Variants in ANO1 observed in about 807,000 individuals in gnomAD.
The protein encoded by ANO1 is anoctamin 1, also known as anoctamin-1.
Under a neutral mutation model 124.0 loss-of-function variants are expected in ANO1, and 59 were observed. The observed-to-expected ratio is 0.48, with a 90% confidence interval of 0.39 to 0.59. The LOEUF (loss-of-function observed/expected upper bound fraction) is 0.59, where lower values mean the gene tolerates loss of function less well. Ranked by LOEUF, ANO1 falls within the 20% of genes least tolerant of loss-of-function variation. The probability of loss-of-function intolerance (pLI) is 0.00; values close to 1 mark genes in which losing one functional copy is unlikely to be tolerated. For synonymous variants in ANO1, 529 were observed against 532.0 expected (o/e 0.99, Z 0.08); for missense variants, 1,059 against 1,328.0 (o/e 0.80, Z 3.15).
chr11:70,167,734 A>G (rs1001122558), intron 21 of ANO1, among the ~76,000 whole-genome samples: 2 of 152,088 alleles, frequency 1.3e-5, no homozygotes, highest in East Asian at 3.9e-4. Flanking sequence ...CACGGTCTCC[A>G]TCAGCGCAGC....
intron 2 of ANO1, among the ~76,000 whole-genome samples, chr11:70,094,110 C>G (rs1027287517): frequency 1.3e-5 from 2 of 152,208 alleles, no homozygotes; most frequent in African/African-American, 2.4e-5. Flanking sequence ...TGTAAACGCC[C>G]CTTACCCACA....
chr11:70,009,310 G>A (rs529626522), intron 1 of ANO1, among the ~76,000 whole-genome samples: 2 of 152,254 alleles, frequency 1.3e-5, no homozygotes, highest in South Asian at 2.1e-4. Flanking sequence ...TCTCGGGGAG[G>A]GAGGATAGCA....
At chr11:69,997,910 C>T (rs1304798157) in intron 1 of ANO1, among the ~76,000 whole-genome samples, 2 of 152,196 alleles carry the variant, frequency 1.3e-5, no homozygotes, top group Non-Finnish European at 2.9e-5. Flanking sequence ...GTTTCCTGTA[C>T]AGCCTGCGGA....
At chr11:70,041,023 T>C (rs1381832230) in intron 1 of ANO1, among the ~76,000 whole-genome samples, 1 of 152,206 alleles carries the variant, frequency 6.6e-6, no homozygotes, top group Non-Finnish European at 1.5e-5. Flanking sequence ...GTTCAGGCAC[T>C]GATTAAGGTT....
At chr11:69,985,496 C>T (rs1291274468), upstream of ANO1, among the ~76,000 whole-genome samples, 1 of 152,152 alleles carries the variant, frequency 6.6e-6, no homozygotes, top group East Asian at 1.9e-4. Context: ...GGGGAGGGGG[C>T]CAGGGCGCTC....
In ANO1 at chr11:70,078,626, A is replaced by C. The variant is rs2044102085; in HGVS notation, c.20A>C (p.Tyr7Ser). 6.7e-7 allele frequency: 1 copy of C among 1,497,908 alleles called. No individual in the cohort carries two copies. Among genetic ancestry groups the C allele is most frequent in the Non-Finnish European group, 9.0e-7 (1 of 1,114,372 alleles). 92.8% of individuals were successfully genotyped at this position (1,497,908 alleles called of 1,614,324 possible). ...GCCACGATGAGGGTCAACGAGAAGT[A>C]CTCGACGCTCCCGGCCGAGGACCGC... is the stretch of plus-strand genomic sequence containing the variant. MRVNEK[Y>S]STLPAEDRSV... Residue 7 changes from tyrosine to serine, a missense_variant, in exon 1 of 26, where the codon TAC (tyrosine) becomes TCC (serine). Transcript: ENST00000355303.
chr11:69,976,681 C>T, the ANO1 span, among the ~76,000 whole-genome samples: 110 of 152,280 alleles, frequency 7.2e-4, 1 homozygote, highest in African/African-American at 2.6e-3. Context: ...CCCTGCGACG[C>T]CTTGATCTTG....
At position 70,153,129 on chromosome 11, in the gene ANO1, G is replaced by A. The variant is rs1268329994; in HGVS notation, c.1425+1G>A. The A allele has an allele frequency of 4.4e-6, 7 of 1,602,042 alleles. No individual in the cohort carries two copies. Among genetic ancestry groups the A allele is most frequent in the Non-Finnish European group, 3.4e-6 (4 of 1,173,876 alleles). On this transcript the variant is annotated splice_donor_variant, in intron 14 of 25. Coordinates refer to ENST00000355303, the MANE Select transcript of ANO1 (RefSeq NM_018043.7). LOFTEE classifies it high-confidence loss of function. Reference sequence around the variant, plus strand: ...GAAGAAAGAGTCCAGAAACAAAGAGGTATGGTGGCCACTGTGGGTTAACTT... The same window carrying A: ...GAAGAAAGAGTCCAGAAACAAAGAGATATGGTGGCCACTGTGGGTTAACTT...
intron 5 of ANO1, among the ~76,000 whole-genome samples, chr11:70,107,487 A>AGGTGGGGGGG (rs1308856596): frequency 2.0e-4 from 8 of 39,886 alleles, no homozygotes; most frequent in East Asian, 9.2e-4. Context: ...GGTCCAGTGG[A>AGGTGGGGGGG]GGCGGCGGGG....
chr11:70,132,095 G>C lies in ANO1; in HGVS notation c.1258+16G>C, dbSNP rs1235598170. 1 of 1,573,060 alleles carries C rather than the reference G, an allele frequency of 6.4e-7. No homozygotes were observed. Among genetic ancestry groups the C allele is most frequent in the Admixed American group, 1.8e-5 (1 of 56,418 alleles). ...GCCCTCTGGGGTAAGCAGGGCTCCAGAGCACTGGGTTTTTGGGCAGTGGTG... is the reference window on the plus strand; with the variant it reads ...GCCCTCTGGGGTAAGCAGGGCTCCACAGCACTGGGTTTTTGGGCAGTGGTG... On this transcript the variant is annotated intron_variant, in intron 11 of 25. Transcript: ENST00000355303.
At chr11:70,149,647 T>C in intron 11 of ANO1, 63 bp from the exon 12 acceptor site, 1 of 1,367,102 alleles carries the variant, frequency 7.3e-7, no homozygotes, top group Non-Finnish European at 1.0e-6. Context: ...CAAAACTCTG[T>C]CTAAAAAAAA....
chr11:70,091,436 G>A (rs909186374), intron 2 of ANO1, among the ~76,000 whole-genome samples: 1 of 152,014 alleles, frequency 6.6e-6, no homozygotes, highest in Non-Finnish European at 1.5e-5. Context: ...CAGCATCCCC[G>A]GCCTCTACCT....
intron 1 of ANO1, among the ~76,000 whole-genome samples, chr11:69,987,858 G>C (rs943729163): frequency 6.6e-5 from 10 of 152,152 alleles, no homozygotes; most frequent in Non-Finnish European, 2.9e-5. Context: ...TTCCTTACTG[G>C]AGGATTCAGC....
intron 1 of ANO1, among the ~76,000 whole-genome samples, chr11:70,042,032 A>C (rs1448907767): frequency 6.6e-6 from 1 of 152,154 alleles, no homozygotes; most frequent in Non-Finnish European, 1.5e-5. Context: ...GAGGTAGGAA[A>C]AGCACAGGAG....
chr11:70,029,245 C>T lies in ANO1; in HGVS notation c.58+43079C>T, dbSNP rs537663944. On this transcript the variant is annotated intron_variant, in intron 1 of 27. Coordinates refer to the ANO1 transcript ENST00000531349. ...GGTGGGGTTGTCCTGTGGTGCTTTC[C>T]CTCCTTTGCAGGCAAAGGGGCACCC... Among the ~76,000 whole-genome samples the T allele has an allele frequency of 3.3e-5, 5 of 152,314 alleles. No homozygotes were observed. The South Asian group carries it at 1.0e-3, about 32-fold the overall frequency.
At position 70,033,017 on chromosome 11, in the gene ANO1, C is replaced by T. The variant is rs1857029942; in HGVS notation, c.59-45525C>T. On this transcript the variant is annotated intron_variant, in intron 1 of 27. Coordinates refer to the ANO1 transcript ENST00000531349. ...GGCGTGCCCGGTTCCCTTATGGATG[C>T]TCTTTCACGTGGTACAAATTTGCAC... Among the ~76,000 whole-genome samples the T allele has an allele frequency of 2.0e-5, 3 of 152,204 alleles. No homozygotes were observed. The South Asian group carries it at 6.2e-4, about 31-fold the overall frequency.
intron 2 of ANO1, among the ~76,000 whole-genome samples, chr11:70,089,714 C>T (rs2044543285): frequency 6.6e-6 from 1 of 152,180 alleles, no homozygotes; most frequent in African/African-American, 2.4e-5. Flanking sequence ...GGGGCAGCTG[C>T]CAGGGAACAG....
intron 2 of ANO1, among the ~76,000 whole-genome samples, chr11:70,100,802 T>A (rs1466209210): frequency 6.6e-6 from 1 of 152,178 alleles, no homozygotes; most frequent in Non-Finnish European, 1.5e-5. Flanking sequence ...GGAACTGACA[T>A]TGAGTGGATG....
rs200652721 is a variant in ANO1, at chr11:70,126,217, C to T, written c.1097+22C>T. 5.9e-5 allele frequency: 95 copies of T among 1,606,840 alleles called. No individual in the cohort carries two copies. The African/African-American group carries it at 1.1e-3, about 19-fold the overall frequency. ...CCAGGTAGGCGGCAGCCCACCCCCA[C>T]CACCCCGCAGTACACAGAGGAGCCC... On this transcript the variant is annotated intron_variant, in intron 10 of 25. Transcript: ENST00000355303.
Sources: allele counts gnomAD v4.1 joint callset (sites outside exome capture counted in the v4.1 genomes callset), GRCh38; gene constraint gnomAD v4.1.1; transcripts MANE v1.5; gene names NCBI Gene and HGNC (gene_info 2026-07-23, HGNC 2026-07-21).